The following KIAA1210 variants were observed in gnomAD, a reference collection of about 807,000 sequenced individuals.
KIAA1210 encodes KIAA1210, also known as acrosomal protein KIAA1210.
KIAA1210 carries 48 observed loss-of-function variants against 78.9 expected under a neutral mutation model. That is an observed-to-expected ratio of 0.61 (90% CI 0.48 to 0.77). KIAA1210 has a LOEUF of 0.77. KIAA1210 is among the 30% of genes least tolerant of loss of function. KIAA1210 has a pLI of 0.00. For synonymous variants in KIAA1210, 406 were observed against 404.5 expected (o/e 1.00, Z -0.04); for missense variants, 1,108 against 1,100.0 (o/e 1.01, Z -0.10).
intron 5 of KIAA1210, 122 bp downstream of exon 5, chrX:119,108,215 C>T: frequency 1.6e-6 from 1 of 617,580 alleles, no homozygotes; most frequent in Non-Finnish European, 2.5e-6. Context: ...AAAAGAAGGC[C>T]CAGAGAAGTT....
At chrX:119,100,545 C>T (rs1927706893) in intron 6 of KIAA1210, among the ~76,000 whole-genome samples, 1 of 111,165 alleles carries the variant, frequency 9.0e-6, no homozygotes, top group Non-Finnish European at 1.9e-5. Flanking sequence ...CCTGTCTGAA[C>T]CCAATCTGCA....
intron 2 of KIAA1210, among the ~76,000 whole-genome samples, chrX:119,122,759 A>G (rs2147190437): frequency 8.9e-6 from 1 of 111,921 alleles, no homozygotes; most frequent in South Asian, 3.8e-4. Flanking sequence ...AACAGTGATA[A>G]CACAGAGATG....
rs747357189 is a variant in KIAA1210, at chrX:119,090,147, A to G, written c.956-401T>C. Among the ~76,000 whole-genome samples the G allele has an allele frequency of 2.5e-3, 266 of 105,945 alleles. 5 individuals carry two copies. Among genetic ancestry groups the G allele is most frequent in the Admixed American group, 2.5e-3 (25 of 9,821 alleles). The allele number at this position is 105,945 out of a possible 115,157, so 92.0% of individuals were successfully genotyped here. On this transcript the variant is annotated intron_variant, in intron 8 of 11. Coordinates refer to ENST00000691062, the MANE Select transcript of KIAA1210 (RefSeq NM_001394962.1). ...TTTCTACATAATATTTATCTGAACT[A>G]CCTGAAATTTCATATCATGTGCATG... is the stretch of plus-strand genomic sequence containing the variant.
chrX:119,139,584 C>A (rs1928999986), intron 2 of KIAA1210, among the ~76,000 whole-genome samples: 1 of 111,737 alleles, frequency 8.9e-6, no homozygotes, highest in African/African-American at 3.3e-5. Flanking sequence ...AGAAGGCTGT[C>A]CTCCCCGTGG....
At chrX:119,144,057 T>C (rs1929110167) in intron 2 of KIAA1210, among the ~76,000 whole-genome samples, 1 of 112,523 alleles carries the variant, frequency 8.9e-6, no homozygotes, top group South Asian at 3.7e-4. Flanking sequence ...TTGGGAAGTA[T>C]GGCCTTTGAT....
At chrX:119,119,662 T>C (rs1928381344) in intron 2 of KIAA1210, among the ~76,000 whole-genome samples, 1 of 110,931 alleles carries the variant, frequency 9.0e-6, no homozygotes. Flanking sequence ...CTGATCAACA[T>C]AGCCAGACCT....
chrX:119,098,573 C>G (rs1927630352), intron 6 of KIAA1210, among the ~76,000 whole-genome samples: 1 of 102,732 alleles, frequency 9.7e-6, no homozygotes, highest in Non-Finnish European at 2.0e-5. Context: ...CCACTGCACT[C>G]CAGCCTGGGC....
intron 3 of KIAA1210, among the ~76,000 whole-genome samples, chrX:119,111,195 T>G (rs958821198): frequency 1.8e-5 from 2 of 111,827 alleles, no homozygotes; most frequent in African/African-American, 6.5e-5. Context: ...GAAAAAAGAA[T>G]AGTCTCTTCA....
intron 8 of KIAA1210, among the ~76,000 whole-genome samples, chrX:119,090,521 C>T (rs1037267883): frequency 9.1e-5 from 10 of 109,921 alleles, no homozygotes; most frequent in Non-Finnish European, 1.1e-4. Context: ...CCACCTGCCT[C>T]GGCCTCCCAA....
chrX:119,112,889 ACACAAATGTT>A (rs1234671442), intron 3 of KIAA1210, among the ~76,000 whole-genome samples: 1 of 112,150 alleles, frequency 8.9e-6, no homozygotes, highest in Admixed American at 9.5e-5. Context: ...CAAAACTTAT[ACACAAATGTT>A]CACAGCAGTA....
At position 119,081,448 on chromosome X, in the gene KIAA1210, G is replaced by A. The variant is rs1023218313; in HGVS notation, c.4483C>T (p.Arg1495Ter). The change falls in exon 12 of 12, where the codon CGA (arginine) becomes TGA (stop). Residue 1495 changes from arginine to a stop codon, truncating the protein, a stop_gained. Coordinates refer to ENST00000691062, the MANE Select transcript of KIAA1210 (RefSeq NM_001394962.1). LOFTEE classifies it low-confidence loss of function (END_TRUNC). Reference protein sequence around the residue: ...QVPAMEKETKRSSTLPAKFQN... With the variant: ...QVPAMEKETK ...AACTTGGCTGGGAGAGTTGAAGATC[G>A]TTTGGTTTCTTTTTCCATGGCAGGA... 4.1e-6 allele frequency: 5 copies of A among 1,210,187 alleles called. No homozygotes were observed. Among genetic ancestry groups the A allele is most frequent in the Non-Finnish European group, 4.5e-6 (4 of 894,762 alleles).
chrX:119,143,410 C>T lies in KIAA1210; in HGVS notation c.410+4063G>A, dbSNP rs1268714657. ...AACCAGCTGTCCCCAGAAAGCCTCTCTCTGGGTTCACAGAATGGAGTGACT... is the reference window on the plus strand; with the variant it reads ...AACCAGCTGTCCCCAGAAAGCCTCTTTCTGGGTTCACAGAATGGAGTGACT... On this transcript the variant is annotated intron_variant, in intron 2 of 13. Transcript: ENST00000402510. 3.6e-5 allele frequency among the ~76,000 whole-genome samples: 4 copies of T among 112,471 alleles called. No homozygotes were observed. The East Asian group carries it at 1.1e-3, about 32-fold the overall frequency.
intron 2 of KIAA1210, among the ~76,000 whole-genome samples, chrX:119,138,068 C>T (rs1028135592): frequency 1.8e-5 from 2 of 110,499 alleles, no homozygotes; most frequent in Non-Finnish European, 3.8e-5. Flanking sequence ...CATAGGAGGC[C>T]GTCAAGCTAC....
chrX:119,126,659 AC>A (rs1928655437), intron 1 of KIAA1210, among the ~76,000 whole-genome samples: 1 of 112,093 alleles, frequency 8.9e-6, no homozygotes, highest in Admixed American at 9.4e-5. Context: ...AGGAGAGCCC[AC>A]ATCAATGGAT....
At chrX:119,145,338 G>T (rs1929141982) in intron 2 of KIAA1210, among the ~76,000 whole-genome samples, 1 of 110,676 alleles carries the variant, frequency 9.0e-6, no homozygotes, top group South Asian at 3.9e-4. Flanking sequence ...GCGTCCCTGG[G>T]CCTCTAACCA....
chrX:119,150,080 G>A (rs773972549), intron 1 of KIAA1210, among the ~76,000 whole-genome samples: 1 of 112,356 alleles, frequency 8.9e-6, no homozygotes, highest in South Asian at 3.7e-4. Context: ...AATGAAATGA[G>A]CCTTGTAAAA....
rs1473439118 is a variant in KIAA1210 at position 119,108,357 on chromosome X, C to G, written c.472G>C (p.Ala158Pro). The G allele has an allele frequency of 4.1e-6, 5 of 1,207,761 alleles. No homozygotes were observed. In the African/African-American group the frequency reaches 8.8e-5, roughly 21 times the overall value. ...GTTACCTCAGTGATCTTGGGGCCAG[C>G]AACCCAGACTGCACTTGTAGGCACA... ...QNVPTSAVWV[A>P]GPKITENPPS... is the part of the protein sequence containing the mutation. Residue 158 changes from alanine to proline, a missense_variant, in exon 5 of 12, where the codon GCT (alanine) becomes CCT (proline). Around this residue, in one of 5 missense-constraint regions of KIAA1210, gnomAD observed 672 missense variants for 607.1 expected, o/e 1.11. Coordinates refer to ENST00000691062, the MANE Select transcript of KIAA1210 (RefSeq NM_001394962.1).
At chrX:119,102,632 T>G (rs1388398603) in intron 6 of KIAA1210, among the ~76,000 whole-genome samples, 1 of 111,247 alleles carries the variant, frequency 9.0e-6, no homozygotes, top group African/African-American at 3.3e-5. Context: ...AGGTAAAGCA[T>G]GAGATATTAT....
chrX:119,145,665 A>G, intron 2 of KIAA1210, among the ~76,000 whole-genome samples: 1 of 111,508 alleles, frequency 9.0e-6, no homozygotes, highest in East Asian at 2.8e-4. Flanking sequence ...GTACTGGGTC[A>G]AGGCAGTACT....
Sources: gnomAD v4.1 joint callset for allele counts (sites outside exome capture counted in the v4.1 genomes callset) on GRCh38, gnomAD v4.1.1 for gene constraint, gnomAD v4.1.1 regional missense constraint, MANE v1.5 for transcripts, NCBI Gene and HGNC (gene_info 2026-07-23, HGNC 2026-07-21) for gene names.